The following ALDH3B1 variants were observed in gnomAD, a reference collection of about 807,000 sequenced individuals.
The protein encoded by ALDH3B1 is aldehyde dehydrogenase family 3 member B1.
A neutral mutation model predicts 46.2 loss-of-function variants in ALDH3B1; 37 were observed. The ratio of observed to expected loss-of-function variants is 0.80; its 90% CI spans 0.62 to 1.05. The LOEUF is 1.05. Ranked by LOEUF, ALDH3B1 falls within the 50% of genes least tolerant of loss-of-function variation. The pLI, the probability that ALDH3B1 is intolerant of heterozygous loss-of-function variation, is 0.00. For missense variants in ALDH3B1, 603 were observed against 665.5 expected (o/e 0.91, Z 1.03); for synonymous variants, 283 against 281.0 (o/e 1.01, Z -0.07).
At chr11:68,025,947 C>T in intron 8 of ALDH3B1, 62 bp from the exon 9 acceptor site, 1 of 1,267,102 alleles carries the variant, frequency 7.9e-7, no homozygotes, top group Non-Finnish European at 1.1e-6. Flanking sequence ...GGAACAGGCT[C>T]TGGGTCCTGA....
At position 68,022,488 on chromosome 11, in the gene ALDH3B1, G is replaced by A. The variant is rs1414826203; in HGVS notation, c.950-107G>A. Reference sequence around the variant, plus strand: ...GAAGCCTTGGGAAGTCAGACCTTGGGATCCTGGCCTAGAGCCCTGGCCTGT... The same window carrying A: ...GAAGCCTTGGGAAGTCAGACCTTGGAATCCTGGCCTAGAGCCCTGGCCTGT... On this transcript the variant is annotated intron_variant, in intron 7 of 9. Transcript: ENST00000342456. 3 of 1,425,308 alleles carry A rather than the reference G, an allele frequency of 2.1e-6. No individual in the cohort carries two copies. In the East Asian group the frequency reaches 7.2e-5, roughly 34 times the overall value. 88.3% of individuals were successfully genotyped at this position (1,425,308 alleles called of 1,614,324 possible).
chr11:68,019,124 G>T, intron 4 of ALDH3B1, 46 bp from the exon 5 acceptor site: 1 of 1,575,988 alleles, frequency 6.3e-7, no homozygotes, highest in Non-Finnish European at 8.6e-7. Context: ...TGGAGACCAG[G>T]AGCTGGCTAC....
intron 6 of ALDH3B1, 117 bp downstream of exon 6, chr11:68,019,913 T>A: frequency 9.1e-7 from 1 of 1,097,500 alleles, no homozygotes; most frequent in Non-Finnish European, 1.3e-6. Context: ...TCTCTCTCTC[T>A]GGACCAGGCT....
At position 68,015,460 on chromosome 11, in the gene ALDH3B1, G is replaced by C. The variant is rs1344468931; in HGVS notation, c.162+1G>C. On this transcript the variant is annotated splice_donor_variant, in intron 2 of 9. Transcript: ENST00000342456. LOFTEE classifies it high-confidence loss of function. ...CGCACTGGCCCAGGACCTGCACAAGGTGGGCTGGGGTTGGGGGTATGAGAG... is the reference window on the plus strand; with the variant it reads ...CGCACTGGCCCAGGACCTGCACAAGCTGGGCTGGGGTTGGGGGTATGAGAG... The C allele has an allele frequency of 1.1e-5, 18 of 1,567,780 alleles. No individual in the cohort carries two copies. Among genetic ancestry groups the C allele is most frequent in the Non-Finnish European group, 1.1e-5 (13 of 1,156,676 alleles).
chr11:68,027,643 T>G, intron 9 of ALDH3B1, 106 bp from the exon 10 acceptor site: 3 of 1,204,568 alleles, frequency 2.5e-6, no homozygotes, highest in Non-Finnish European at 3.5e-6. Flanking sequence ...ACTGGACAGA[T>G]GGGGAAACTG....
At chr11:68,012,279 C>G (rs923365847) in intron 1 of ALDH3B1, among the ~76,000 whole-genome samples, 3 of 152,204 alleles carry the variant, frequency 2.0e-5, no homozygotes, top group Non-Finnish European at 2.9e-5. Context: ...GTTCCCGGAG[C>G]CTGTGGGCAC....
chr11:68,009,297 G>C (rs1410256466), upstream of ALDH3B1, among the ~76,000 whole-genome samples: 1 of 152,252 alleles, frequency 6.6e-6, no homozygotes, highest in Non-Finnish European at 1.5e-5. Context: ...GAGAGGAGCA[G>C]GCATGAGGTA....
intron 2 of ALDH3B1, chr11:68,016,015 A>G (rs182190479): frequency 2.3e-4 from 55 of 240,786 alleles, no homozygotes; most frequent in Admixed American, 1.7e-3. Context: ...GCAGTGAGCC[A>G]AGGTCACACC....
intron 2 of ALDH3B1, chr11:68,016,745 CCCCAG>C (rs1355722612): frequency 1.3e-5 from 2 of 152,348 alleles, no homozygotes; most frequent in African/African-American, 2.4e-5. Flanking sequence ...TCAGACCTTC[CCCCAG>C]CCCATTGGGC....
Position 68,022,762 on chromosome 11 carries a change from G to A in ALDH3B1, c.1116+1G>A. On this transcript the variant is annotated splice_donor_variant, in intron 8 of 9. Coordinates refer to ENST00000342456, the MANE Select transcript of ALDH3B1 (RefSeq NM_000694.4). LOFTEE classifies it high-confidence loss of function. ...GTACGCCTTCTCCAACAGCAGCCAG[G>A]TGGGGGTGCGGCCGGGCTGGGCAGG... is the stretch of plus-strand genomic sequence containing the variant. The A allele has an allele frequency of 6.2e-7, 1 of 1,613,942 alleles. No homozygotes were observed. The highest frequency in any genetic ancestry group is 8.5e-7 in the Non-Finnish European group (1 of 1,179,958).
At position 68,026,065 on chromosome 11, in the gene ALDH3B1, C is replaced by G; in HGVS notation, c.1173C>G (p.Gly391=). The G allele has an allele frequency of 6.2e-7, 1 of 1,609,672 alleles. No homozygotes were observed. Among genetic ancestry groups the G allele is most frequent in the Non-Finnish European group, 8.5e-7 (1 of 1,178,090 alleles). Reference sequence around the variant, plus strand: ...GCGGGGGCTTCTGTGGGAACGACGGCTTCATGCACATGACCCTGGCCAGCC... The same window carrying G: ...GCGGGGGCTTCTGTGGGAACGACGGGTTCATGCACATGACCCTGGCCAGCC... ...TSSGGFCGND[G]FMHMTLASLP... Residue 391 remains glycine (G), a synonymous_variant, in exon 9 of 10, where the codon GGC becomes GGG. Coordinates refer to ENST00000342456, the MANE Select transcript of ALDH3B1 (RefSeq NM_000694.4).
At chr11:68,018,430 G>A (rs1857401489) in intron 2 of ALDH3B1, 97 bp from the exon 3 acceptor site, 1 of 887,310 alleles carries the variant, frequency 1.1e-6, no homozygotes, top group African/African-American at 1.7e-5. Flanking sequence ...GAAAATGAAT[G>A]AATGAGTTGT....
chr11:68,021,444 C>T lies in ALDH3B1; in HGVS notation c.563-41C>T, dbSNP rs1245918682. On this transcript the variant is annotated intron_variant, in intron 6 of 9. Coordinates refer to ENST00000342456, the MANE Select transcript of ALDH3B1 (RefSeq NM_000694.4). ...GTGGGCTGGGCCATCCCGCCTGGTC[C>T]AGGTCACTGAACGGCCACTCTGGTT... The T allele has an allele frequency of 3.2e-6, 5 of 1,580,068 alleles. No homozygotes were observed. In the African/African-American group the frequency reaches 4.0e-5, roughly 13 times the overall value.
In ALDH3B1 at chr11:68,010,635, C is replaced by T. The variant is rs143457215; in HGVS notation, c.-2+243C>T. 5.1e-3 allele frequency among the ~76,000 whole-genome samples: 779 copies of T among 152,308 alleles called. 8 individuals are homozygous for T. The highest frequency in any genetic ancestry group is 0.016 in the African/African-American group (674 of 41,578). ...CCCCCCTGGCCAGCAGGCACCCTTC[C>T]GTTGTCCGAGCTGGGTTGCCACCGC... is the stretch of plus-strand genomic sequence containing the variant. On this transcript the variant is annotated intron_variant, in intron 1 of 9. Transcript: ENST00000342456.
intron 8 of ALDH3B1, among the ~76,000 whole-genome samples, chr11:68,023,207 C>T (rs1200599749): frequency 6.6e-6 from 1 of 152,168 alleles, no homozygotes; most frequent in Non-Finnish European, 1.5e-5. Flanking sequence ...AGGCCAGAGT[C>T]CTCAGATTAA....
chr11:68,024,013 C>T (rs545499130), intron 8 of ALDH3B1, among the ~76,000 whole-genome samples: 2 of 151,424 alleles, frequency 1.3e-5, no homozygotes, highest in Non-Finnish European at 1.5e-5. Flanking sequence ...CTATTAACTA[C>T]ACTCTAGACT....
At chr11:68,012,178 C>T (rs1002279623) in intron 1 of ALDH3B1, among the ~76,000 whole-genome samples, 57 of 152,150 alleles carry the variant, frequency 3.7e-4, no homozygotes, top group African/African-American at 1.3e-3. Flanking sequence ...GGAGTCCCTG[C>T]CCAGGGACGG....
chr11:68,019,929 C>A, intron 6 of ALDH3B1, 133 bp downstream of exon 6: 1 of 992,308 alleles, frequency 1.0e-6, no homozygotes, highest in Non-Finnish European at 1.5e-6. Context: ...AGGCTGGGAG[C>A]AGTCCTGGAC....
chr11:68,022,498 T>C, intron 7 of ALDH3B1, 97 bp from the exon 8 acceptor site: 1 of 1,479,180 alleles, frequency 6.8e-7, no homozygotes, highest in South Asian at 1.3e-5. Context: ...GATCCTGGCC[T>C]AGAGCCCTGG....
Sources: gnomAD v4.1 joint callset for allele counts (sites outside exome capture counted in the v4.1 genomes callset) on GRCh38, gnomAD v4.1.1 for gene constraint, MANE v1.5 for transcripts, NCBI Gene and HGNC (gene_info 2026-07-23, HGNC 2026-07-21) for gene names.